Variants in RSBN1L observed in about 807,000 individuals in gnomAD.
The protein encoded by RSBN1L is round spermatid basic protein 1 like.
RSBN1L carries 30 observed loss-of-function variants against 67.7 expected under a neutral mutation model. The ratio of observed to expected loss-of-function variants is 0.44; its 90% CI spans 0.33 to 0.60. RSBN1L has a LOEUF of 0.60. Among genes scored for constraint, RSBN1L ranks in the 20% least tolerant of loss-of-function variants. The probability of loss-of-function intolerance (pLI) is 0.02; values close to 1 mark genes in which losing one functional copy is unlikely to be tolerated. For missense variants in RSBN1L, 992 were observed against 1,031.7 expected (o/e 0.96, Z 0.53); for synonymous variants, 433 against 387.0 (o/e 1.12, Z -1.39).
chr7:77,771,060 G>C (rs1380608615), intron 5 of RSBN1L, among the ~76,000 whole-genome samples: 1 of 152,134 alleles, frequency 6.6e-6, no homozygotes, highest in Non-Finnish European at 1.5e-5. Flanking sequence ...TCCTGCCTCA[G>C]CCTCCCGAGT....
At position 77,767,008 on chromosome 7, in the gene RSBN1L, TCCTTTCCTTCCCCTTCCCCTTCCCTTTCC is replaced by T. The variant is rs1310132989; in HGVS notation, c.1482+1381_1482+1409del. On this transcript the variant is annotated intron_variant, in intron 4 of 7. Coordinates refer to ENST00000334955, the MANE Select transcript of RSBN1L (RefSeq NM_198467.3). ...TGAACTAAATGCATTATTTCTCCTTTCCTTTCCTTCCCCTTCCCCTTCCCTTTCCCCTTCCCTTCCCCTTCCCCTTCCCT... is the reference window on the plus strand; with the variant it reads ...TGAACTAAATGCATTATTTCTCCTTTCCTTCCCTTCCCCTTCCCCTTCCCT... Among the ~76,000 whole-genome samples, 812 of 149,430 alleles carry T rather than the reference TCCTTTCCTTCCCCTTCCCCTTCCCTTTCC, an allele frequency of 5.4e-3. 8 individuals are homozygous for T. The highest frequency in any genetic ancestry group is 0.019 in the African/African-American group (767 of 39,614).
At chr7:77,726,843 C>T (rs924171115) in intron 1 of RSBN1L, among the ~76,000 whole-genome samples, 4 of 143,544 alleles carry the variant, frequency 2.8e-5, no homozygotes, top group Non-Finnish European at 6.0e-5. Flanking sequence ...TGCAGTGGTG[C>T]GATCTCGGCT....
At chr7:77,699,071 T>C (rs117613808) in intron 1 of RSBN1L, among the ~76,000 whole-genome samples, 2,814 of 152,298 alleles carry the variant, frequency 0.018, 38 homozygotes, top group Middle Eastern at 0.071. Flanking sequence ...AATATGAAAG[T>C]CCTGATTTGC....
intron 6 of RSBN1L, among the ~76,000 whole-genome samples, chr7:77,775,862 C>A (rs890765531): frequency 1.3e-5 from 2 of 152,090 alleles, no homozygotes; most frequent in Non-Finnish European, 2.9e-5. Flanking sequence ...TCCAGACCAG[C>A]CTGGGCAACA....
intron 2 of RSBN1L, among the ~76,000 whole-genome samples, chr7:77,744,997 C>T (rs1791461907): frequency 6.6e-6 from 1 of 152,166 alleles, no homozygotes; most frequent in African/African-American, 2.4e-5. Flanking sequence ...CACAGTGGCT[C>T]ACGCCTGTAA....
chr7:77,758,279 A>G (rs530384275), intron 3 of RSBN1L, among the ~76,000 whole-genome samples: 50 of 152,260 alleles, frequency 3.3e-4, no homozygotes, highest in African/African-American at 1.1e-3. Context: ...CAGTCACCCA[A>G]ATAGCTGGGA....
At chr7:77,709,621 A>G (rs1790946634) in intron 1 of RSBN1L, among the ~76,000 whole-genome samples, 1 of 152,094 alleles carries the variant, frequency 6.6e-6, no homozygotes, top group Non-Finnish European at 1.5e-5. Context: ...GGAGCAAATA[A>G]TCTAGAATCC....
At chr7:77,764,486 A>G (rs757196121) in intron 3 of RSBN1L, among the ~76,000 whole-genome samples, 5 of 152,158 alleles carry the variant, frequency 3.3e-5, no homozygotes, top group Non-Finnish European at 7.3e-5. Flanking sequence ...TCATTATCAA[A>G]TTTTCTTCAG....
At chr7:77,752,490 A>G (rs774915273) in intron 3 of RSBN1L, among the ~76,000 whole-genome samples, 5 of 152,160 alleles carry the variant, frequency 3.3e-5, no homozygotes, top group Non-Finnish European at 7.3e-5. Context: ...CACTGGCTTT[A>G]TGAAACTGAA....
At chr7:77,775,196 G>A (rs1400965034) in intron 6 of RSBN1L, among the ~76,000 whole-genome samples, 2 of 152,102 alleles carry the variant, frequency 1.3e-5, no homozygotes, top group African/African-American at 4.8e-5. Context: ...TTACAGGTGC[G>A]AAACACTGCA....
chr7:77,700,075 G>A (rs148414807), intron 1 of RSBN1L, among the ~76,000 whole-genome samples: 2,811 of 152,252 alleles, frequency 0.018, 38 homozygotes, highest in Middle Eastern at 0.071. Context: ...GATTACAGGC[G>A]TGAGCCACCG....
chr7:77,764,081 T>C (rs1034329759), intron 3 of RSBN1L, among the ~76,000 whole-genome samples: 1 of 152,234 alleles, frequency 6.6e-6, no homozygotes, highest in African/African-American at 2.4e-5. Flanking sequence ...GATTCAACTT[T>C]TGATGTGACT....
chr7:77,725,351 C>T (rs546220290), intron 1 of RSBN1L, among the ~76,000 whole-genome samples: 19 of 64,690 alleles, frequency 2.9e-4, no homozygotes, highest in South Asian at 1.0e-3. Context: ...TGGGTCCAAT[C>T]GATTCTCCTG....
intron 1 of RSBN1L, among the ~76,000 whole-genome samples, chr7:77,721,491 G>A (rs2150416218): frequency 6.6e-6 from 1 of 152,256 alleles, no homozygotes; most frequent in East Asian, 1.9e-4. Context: ...AGAAGAGGGA[G>A]GAGGAGGATA....
chr7:77,716,554 TTAAAC>T lies in RSBN1L; in HGVS notation c.586+19502_586+19506del, dbSNP rs1791051442. ...TAGATATTTTCATTAAATTTATTGA[TTAAAC>T]TAGGAGGAAATTATAGTCATGACAG... is the stretch of plus-strand genomic sequence containing the variant. On this transcript the variant is annotated intron_variant, in intron 1 of 7. Transcript: ENST00000334955. Among the ~76,000 whole-genome samples, 4 of 151,416 alleles carry T rather than the reference TTAAAC, an allele frequency of 2.6e-5. 1 individual carries two copies. The South Asian group carries it at 8.3e-4, about 32-fold the overall frequency.
chr7:77,715,015 T>TG (rs1310443755), intron 1 of RSBN1L, among the ~76,000 whole-genome samples: 1 of 151,318 alleles, frequency 6.6e-6, no homozygotes, highest in Non-Finnish European at 1.5e-5. Context: ...CTCATGCTTG[T>TG]AATCCCAGTA....
chr7:77,770,302 G>A lies in RSBN1L; in HGVS notation c.1625+1499G>A, dbSNP rs572555731. Among the ~76,000 whole-genome samples, 3 of 152,082 alleles carry A rather than the reference G, an allele frequency of 2.0e-5. No individual in the cohort carries two copies. The South Asian group carries it at 6.2e-4, about 32-fold the overall frequency. On this transcript the variant is annotated intron_variant, in intron 5 of 7. Transcript: ENST00000334955. The stretch of plus-strand genomic sequence containing the variant: ...AGGCAGGAGAATTGCTTGAGCCTGG[G>A]AGATAGAGGTTGCAGTGAACCCAGA...
intron 3 of RSBN1L, among the ~76,000 whole-genome samples, chr7:77,758,107 T>C (rs2150428820): frequency 6.6e-6 from 1 of 152,324 alleles, no homozygotes; most frequent in South Asian, 2.1e-4. Flanking sequence ...TTTTAATCGA[T>C]AAAAGAGTAT....
intron 1 of RSBN1L, among the ~76,000 whole-genome samples, chr7:77,713,816 A>AT (rs1353585656): frequency 6.6e-6 from 1 of 151,892 alleles, no homozygotes; most frequent in African/African-American, 2.4e-5. Context: ...TCTGGCTTTT[A>AT]TTTCTTAGAA....
Sources: allele counts gnomAD v4.1 joint callset (sites outside exome capture counted in the v4.1 genomes callset), GRCh38; gene constraint gnomAD v4.1.1; transcripts MANE v1.5; gene names NCBI Gene and HGNC (gene_info 2026-07-23, HGNC 2026-07-21).